The following LMO4 variants were observed in gnomAD, a reference collection of about 807,000 sequenced individuals.
LMO4 encodes LIM domain only 4.
In LMO4, 3 loss-of-function variants were observed where a neutral mutation model predicts 18.5. The observed-to-expected ratio is 0.16, with a 90% CI of 0.07 to 0.42. The LOEUF (loss-of-function observed/expected upper bound fraction) is 0.42. Ranked by LOEUF, LMO4 falls within the 10% of genes least tolerant of loss-of-function variation. The pLI, the probability that LMO4 is intolerant of heterozygous loss-of-function variation, is 0.99. For synonymous variants in LMO4, 100 were observed against 88.1 expected (o/e 1.14, Z -0.76); for missense variants, 121 against 219.9 (o/e 0.55, Z 2.84).
In LMO4 at chr1:87,348,720, T is replaced by C. The variant is rs1388542555; in HGVS notation, c.*3924T>C. On this transcript the variant is annotated 3_prime_UTR_variant, in exon 5 of 5. Transcript: ENST00000370544. ...CTCAAGTGAATACTGTTTTCAGTTG[T>C]GCAAGAAGTGCTTTATGCTAGTAGA... The C allele has an allele frequency of 1.9e-6, 1 of 515,012 alleles. No homozygotes were observed. Among genetic ancestry groups the C allele is most frequent in the Non-Finnish European group, 3.9e-6 (1 of 258,140 alleles). The allele number at this position is 515,012 out of a possible 1,614,324, so 31.9% of individuals were successfully genotyped here. A position where few individuals can be genotyped will look rare whatever the true frequency, so the allele number is the denominator to read the frequency against.
chr1:87,333,859 G>A (rs1017582961), intron 2 of LMO4, among the ~76,000 whole-genome samples: 2 of 151,896 alleles, frequency 1.3e-5, no homozygotes, highest in African/African-American at 4.8e-5. Context: ...TGGTAAGAAA[G>A]GAGTGTGGTT....
In LMO4 at chr1:87,339,454, GC is replaced by G. The variant is rs2100564395; in HGVS notation, c.237-79del. On this transcript the variant is annotated intron_variant, in intron 2 of 4. Coordinates refer to ENST00000370544, the MANE Select transcript of LMO4 (RefSeq NM_006769.4). Reference sequence around the variant, plus strand: ...CCTGTCAAATGCATTCCAAAGGGATGCCCAGAGTCTGGGGGTGTTTTTCTTT... The same window carrying G: ...CCTGTCAAATGCATTCCAAAGGGATGCCAGAGTCTGGGGGTGTTTTTCTTT... The G allele has an allele frequency of 7.7e-6, 7 of 911,538 alleles. No homozygotes were observed. The East Asian group carries it at 1.7e-4, about 23-fold the overall frequency. 56.5% of individuals were successfully genotyped at this position (911,538 alleles called of 1,614,324 possible). A position where few individuals can be genotyped will look rare whatever the true frequency, so the allele number is the denominator to read the frequency against.
chr1:87,329,984 C>T (rs1374326944), intron 1 of LMO4, among the ~76,000 whole-genome samples: 1 of 150,042 alleles, frequency 6.7e-6, no homozygotes, highest in Non-Finnish European at 1.5e-5. Flanking sequence ...GAGTATAAGC[C>T]TATTTAACTT....
At chr1:87,340,377 A>T (rs1383337680) in intron 4 of LMO4, among the ~76,000 whole-genome samples, 175 bp downstream of exon 4, 1 of 152,154 alleles carries the variant, frequency 6.6e-6, no homozygotes, top group Non-Finnish European at 1.5e-5. Context: ...TTAAATTGTG[A>T]ATCCTTTCTA....
At chr1:87,331,849 C>G in intron 1 of LMO4, 164 bp from the exon 2 acceptor site, 14 of 594,666 alleles carry the variant, frequency 2.4e-5, no homozygotes, top group South Asian at 6.5e-5. Flanking sequence ...AGCCTCCCTT[C>G]TTCCCTCTCC....
chr1:87,334,844 G>A (rs1650255969), intron 2 of LMO4, among the ~76,000 whole-genome samples: 1 of 152,180 alleles, frequency 6.6e-6, no homozygotes, highest in African/African-American at 2.4e-5. Context: ...CCTTGCTGCA[G>A]CGAATCCGCA....
intron 2 of LMO4, among the ~76,000 whole-genome samples, chr1:87,336,309 T>C (rs1169374996): frequency 1.3e-5 from 2 of 152,234 alleles, no homozygotes; most frequent in African/African-American, 4.8e-5. Context: ...TACAAATGTA[T>C]ATACCTTTCA....
chr1:87,334,242 T>C (rs998069049), intron 2 of LMO4, among the ~76,000 whole-genome samples: 3 of 152,230 alleles, frequency 2.0e-5, no homozygotes, highest in African/African-American at 7.2e-5. Context: ...GCTCTTGAAC[T>C]ACATGCTACC....
intron 2 of LMO4, among the ~76,000 whole-genome samples, chr1:87,335,659 G>A (rs1650287200): frequency 1.3e-5 from 2 of 152,108 alleles, no homozygotes; most frequent in Non-Finnish European, 2.9e-5. Flanking sequence ...GAATGGAGGC[G>A]CCGCCAGACA....
chr1:87,336,314 C>T (rs955787004), intron 2 of LMO4, among the ~76,000 whole-genome samples: 5 of 152,154 alleles, frequency 3.3e-5, no homozygotes, highest in South Asian at 4.1e-4. Context: ...ATGTATATAC[C>T]TTTCAGCCAC....
Position 87,344,899 on chromosome 1 carries a change from A to G in LMO4, c.*103A>G. ...ACAAGTCACCTTTGTAGCTAGCACC[A>G]GTGCCAGCTCCATGCCATTGCACCT... On this transcript the variant is annotated 3_prime_UTR_variant, in exon 5 of 5. Transcript: ENST00000370544. The G allele has an allele frequency of 1.8e-6, 2 of 1,112,760 alleles. No individual in the cohort carries two copies. Among genetic ancestry groups the G allele is most frequent in the Non-Finnish European group, 2.7e-6 (2 of 727,574 alleles). The allele number at this position is 1,112,760 out of a possible 1,614,324, so 68.9% of individuals were successfully genotyped here. A position where few individuals can be genotyped will look rare whatever the true frequency, so the allele number is the denominator to read the frequency against.
At chr1:87,330,468 T>TA (rs1190890351) in intron 1 of LMO4, among the ~76,000 whole-genome samples, 1 of 152,250 alleles carries the variant, frequency 6.6e-6, no homozygotes, top group Non-Finnish European at 1.5e-5. Context: ...TAATGGGTTT[T>TA]AGAGTGGTCC....
intron 4 of LMO4, among the ~76,000 whole-genome samples, chr1:87,342,710 T>C (rs2100568347): frequency 6.6e-6 from 1 of 152,300 alleles, no homozygotes; most frequent in African/African-American, 2.4e-5. Context: ...CAGCTCACCA[T>C]GAGCACGGTC....
At position 87,332,622 on chromosome 1, in the gene LMO4, C is replaced by A. The variant is rs117635699; in HGVS notation, c.236+371C>A. Among the ~76,000 whole-genome samples, 7 of 152,308 alleles carry A rather than the reference C, an allele frequency of 4.6e-5. No homozygotes were observed. The East Asian group carries it at 9.7e-4, about 21-fold the overall frequency. On this transcript the variant is annotated intron_variant, in intron 2 of 4. Transcript: ENST00000370544. ...GTTCTTAAAACAAGGTAGGAACTCA[C>A]AGAGGAACCCAGAAACAAAGGTTGA...
Position 87,347,106 on chromosome 1 carries a change from G to T in LMO4, c.*2310G>T, listed in dbSNP as rs1289434298. The T allele has an allele frequency of 6.6e-6, 1 of 152,292 alleles. No homozygotes were observed. The highest frequency in any genetic ancestry group is 2.1e-4 in the South Asian group (1 of 4,828). The allele number at this position is 152,292 out of a possible 1,614,324, so 9.4% of individuals were successfully genotyped here. A position where few individuals can be genotyped will look rare whatever the true frequency, so the allele number is the denominator to read the frequency against. On this transcript the variant is annotated 3_prime_UTR_variant, in exon 5 of 5. Coordinates refer to ENST00000370544, the MANE Select transcript of LMO4 (RefSeq NM_006769.4). ...AACTATTATATGGCTGGTTCCTCAA[G>T]CACTGCTGCGTATTTAATAATGAGC...
chr1:87,335,668 C>T lies in LMO4; in HGVS notation c.236+3417C>T, dbSNP rs1297919143. Among the ~76,000 whole-genome samples, 4 of 152,124 alleles carry T rather than the reference C, an allele frequency of 2.6e-5. No homozygotes were observed. In the East Asian group the frequency reaches 7.7e-4, roughly 29 times the overall value. ...CGTTAGGAATGGAGGCGCCGCCAGA[C>T]AGCGAGTTCATTTCCCTGGTAATCA... On this transcript the variant is annotated intron_variant, in intron 2 of 4. Transcript: ENST00000370544.
chr1:87,339,659 T>TA (rs749183431), intron 3 of LMO4, 27 bp downstream of exon 3: 191 of 1,467,086 alleles, frequency 1.3e-4, no homozygotes, highest in African/African-American at 1.1e-3. Context: ...TCTTTTTTTT[T>TA]TAAAAAAAAA....
Position 87,347,473 on chromosome 1 carries a change from C to A in LMO4, c.*2677C>A, listed in dbSNP as rs1240704851. 1 of 152,004 alleles carries A rather than the reference C, an allele frequency of 6.6e-6. No individual in the cohort carries two copies. The highest frequency in any genetic ancestry group is 1.5e-5 in the Non-Finnish European group (1 of 67,996). The allele number at this position is 152,004 out of a possible 1,614,324, so 9.4% of individuals were successfully genotyped here. On this transcript the variant is annotated 3_prime_UTR_variant, in exon 5 of 5. Coordinates refer to ENST00000370544, the MANE Select transcript of LMO4 (RefSeq NM_006769.4). ...AACATTGCTTAGGAAAAAAAAAAATCTATGAGTTTATTCCACCTTTCATCC... is the reference window on the plus strand; with the variant it reads ...AACATTGCTTAGGAAAAAAAAAAATATATGAGTTTATTCCACCTTTCATCC...
chr1:87,336,258 C>CT (rs1239810254), intron 2 of LMO4, among the ~76,000 whole-genome samples: 4 of 152,130 alleles, frequency 2.6e-5, no homozygotes, highest in Non-Finnish European at 4.4e-5. Flanking sequence ...TGTGGATGTG[C>CT]TTTTTTCTCC....
Sources: allele counts gnomAD v4.1 joint callset (sites outside exome capture counted in the v4.1 genomes callset), GRCh38; gene constraint gnomAD v4.1.1; transcripts MANE v1.5; gene names NCBI Gene and HGNC (gene_info 2026-07-23, HGNC 2026-07-21).